The following ITGA11 variants were observed in gnomAD, a reference collection of about 807,000 sequenced individuals.
The protein encoded by ITGA11 is integrin subunit alpha 11, also known as integrin alpha-11.
Under a neutral mutation model 141.9 loss-of-function variants are expected in ITGA11, and 97 were observed. The observed-to-expected ratio is 0.68, with a 90% CI of 0.58 to 0.81. The LOEUF is 0.81. ITGA11 is among the 30% of genes least tolerant of loss of function. The pLI is 0.00. For missense variants in ITGA11, 1,387 were observed against 1,559.2 expected, an observed-to-expected ratio of 0.89 and a Z score of 1.86; for synonymous variants, 658 against 624.6, an observed-to-expected ratio of 1.05 and a Z score of -0.80.
intron 20 of ITGA11, among the ~76,000 whole-genome samples, chr15:68,317,961 T>C (rs1893652407): frequency 6.6e-6 from 1 of 152,148 alleles, no homozygotes; most frequent in Non-Finnish European, 1.5e-5. Context: ...ACAGAGCATG[T>C]GCATTTCCCA....
At chr15:68,344,925 G>A (rs560254586) in intron 10 of ITGA11, among the ~76,000 whole-genome samples, 131 of 152,214 alleles carry the variant, frequency 8.6e-4, no homozygotes, top group South Asian at 5.8e-3. Context: ...GTAGGAAGGC[G>A]GATGCGAAAT....
intron 2 of ITGA11, among the ~76,000 whole-genome samples, chr15:68,374,986 T>C (rs1895691907): frequency 6.6e-6 from 1 of 152,192 alleles, no homozygotes; most frequent in African/African-American, 2.4e-5. Context: ...AGAATGTAAG[T>C]ATGATGAGCC....
At chr15:68,387,152 A>G (rs1459487189) in intron 2 of ITGA11, among the ~76,000 whole-genome samples, 1 of 152,142 alleles carries the variant, frequency 6.6e-6, no homozygotes, top group Non-Finnish European at 1.5e-5. Flanking sequence ...GGAAAGGATA[A>G]GAGGGAGAGA....
chr15:68,351,170 C>A, intron 8 of ITGA11, 88 bp downstream of exon 8: 1 of 1,427,962 alleles, frequency 7.0e-7, no homozygotes, highest in Non-Finnish European at 9.6e-7. Flanking sequence ...TGTGATACTG[C>A]CTGGAACTAG....
rs1893070446 is a variant in ITGA11 at position 68,302,706 on chromosome 15, T to C, written c.*353A>G. On this transcript the variant is annotated 3_prime_UTR_variant, in exon 30 of 30. Transcript: ENST00000315757. ...TACAGTCTTCCTCCCTGGGTTTCTC[T>C]GGAGGATGGGGATGATTACGAATTC... The C allele has an allele frequency of 8.3e-6, 2 of 240,528 alleles. No homozygotes were observed. The highest frequency in any genetic ancestry group is 5.8e-5 in the Admixed American group (1 of 17,368). 14.9% of individuals were successfully genotyped at this position (240,528 alleles called of 1,614,324 possible). A position where few individuals can be genotyped will look rare whatever the true frequency, so the allele number is the denominator to read the frequency against.
At chr15:68,365,288 T>A in intron 3 of ITGA11, 4 of 985,282 alleles carry the variant, frequency 4.1e-6, no homozygotes, top group Non-Finnish European at 4.8e-6. Flanking sequence ...CAGCTGAGAG[T>A]TTCCTCTCAT....
At chr15:68,337,374 C>T (rs948157650) in intron 11 of ITGA11, among the ~76,000 whole-genome samples, 1 of 152,154 alleles carries the variant, frequency 6.6e-6, no homozygotes, top group African/African-American at 2.4e-5. Flanking sequence ...ATTTATACTG[C>T]ACCCCCAGTG....
chr15:68,424,621 T>TG (rs1897097515), intron 1 of ITGA11, among the ~76,000 whole-genome samples: 1 of 152,214 alleles, frequency 6.6e-6, no homozygotes, highest in East Asian at 1.9e-4. Flanking sequence ...CTCCTAGTGC[T>TG]GACCCTCTAC....
chr15:68,341,387 ATTTGGGCCC>A lies in ITGA11; in HGVS notation c.1132-1752_1132-1744del, dbSNP rs1894564599. On this transcript the variant is annotated intron_variant, in intron 10 of 29. Transcript: ENST00000315757. ...GGAGTACTTTCTCATCTGGCTGCCC[ATTTGGGCCC>A]AGAGGCCCTGTGAAATCAGAAGGAC... 5.3e-5 allele frequency among the ~76,000 whole-genome samples: 8 copies of A among 152,300 alleles called. No individual in the cohort carries two copies. The South Asian group carries it at 1.7e-3, about 32-fold the overall frequency.
chr15:68,336,088 G>T, intron 11 of ITGA11: 1 of 566,858 alleles, frequency 1.8e-6, no homozygotes, highest in Non-Finnish European at 3.1e-6. Context: ...AGCCCCTGCT[G>T]GAGAAAATAA....
At chr15:68,319,501 G>A (rs1893717551) in intron 20 of ITGA11, among the ~76,000 whole-genome samples, 1 of 152,348 alleles carries the variant, frequency 6.6e-6, no homozygotes, top group South Asian at 2.1e-4. Context: ...CCGTGGCACA[G>A]TTAGAGGAGA....
chr15:68,337,122 T>G (rs767677516), intron 11 of ITGA11, among the ~76,000 whole-genome samples: 2 of 152,176 alleles, frequency 1.3e-5, no homozygotes, highest in African/African-American at 2.4e-5. Flanking sequence ...GTAAATGTTC[T>G]CAGTTGGTCT....
At chr15:68,391,816 C>T (rs1034248845) in intron 2 of ITGA11, among the ~76,000 whole-genome samples, 13 of 152,174 alleles carry the variant, frequency 8.5e-5, no homozygotes, top group African/African-American at 2.7e-4. Flanking sequence ...AGTGAAACCA[C>T]GTTTTACTCA....
chr15:68,331,153 G>T (rs1361622071), intron 14 of ITGA11, 42 bp from the exon 15 acceptor site: 3 of 1,528,364 alleles, frequency 2.0e-6, no homozygotes, highest in South Asian at 1.2e-5. Flanking sequence ...TGCACACTGT[G>T]AGTGTGGGGG....
intron 10 of ITGA11, among the ~76,000 whole-genome samples, chr15:68,342,307 TG>T (rs1894596287): frequency 6.6e-6 from 1 of 152,230 alleles, no homozygotes. Flanking sequence ...CTTTCCTATG[TG>T]GGGCCACCTG....
At chr15:68,358,415 G>A in intron 6 of ITGA11, 43 bp downstream of exon 6, 2 of 1,563,638 alleles carry the variant, frequency 1.3e-6, no homozygotes, top group Non-Finnish European at 1.7e-6. Context: ...CATGGGTTTG[G>A]GTGGCCCTGT....
intron 1 of ITGA11, among the ~76,000 whole-genome samples, chr15:68,419,415 T>C (rs1188066001): frequency 6.6e-6 from 1 of 152,190 alleles, no homozygotes; most frequent in East Asian, 1.9e-4. Context: ...GCCATTTGTT[T>C]GGGATGTTCA....
At chr15:68,348,494 G>A (rs1296749150) in intron 10 of ITGA11, among the ~76,000 whole-genome samples, 2 of 152,226 alleles carry the variant, frequency 1.3e-5, no homozygotes, top group Non-Finnish European at 1.5e-5. Context: ...TGAAATTATG[G>A]GATTATTGTC....
At chr15:68,343,161 TC>T in intron 10 of ITGA11, among the ~76,000 whole-genome samples, 1 of 152,156 alleles carries the variant, frequency 6.6e-6, no homozygotes. Flanking sequence ...CGTTCATGAA[TC>T]CATCTGTAAG....
Sources: gnomAD v4.1 joint callset for allele counts (sites outside exome capture counted in the v4.1 genomes callset) on GRCh38, gnomAD v4.1.1 for gene constraint, MANE v1.5 for transcripts, NCBI Gene and HGNC (gene_info 2026-07-23, HGNC 2026-07-21) for gene names.